The following ROBO1 variants were observed in gnomAD, a reference collection of about 807,000 sequenced individuals.
ROBO1 encodes the protein roundabout guidance receptor 1, also known as roundabout homolog 1.
Under a neutral mutation model 195.9 loss-of-function variants are expected in ROBO1, and 149 were observed. The ratio of observed to expected loss-of-function variants is 0.76; its 90% confidence interval spans 0.67 to 0.87. ROBO1 has a LOEUF of 0.87. ROBO1 is among the 40% of genes least tolerant of loss of function. ROBO1 has a pLI of 0.00. For missense variants in ROBO1, 1,933 were observed against 2,068.3 expected (o/e 0.93, Z 1.27); for synonymous variants, 816 against 733.2 (o/e 1.11, Z -1.82).
At chr3:79,613,414 G>C (rs531206035) in intron 1 of ROBO1, among the ~76,000 whole-genome samples, 4 of 151,948 alleles carry the variant, frequency 2.6e-5, no homozygotes, top group South Asian at 4.1e-4. Context: ...TAACTAACAA[G>C]CCAATAGTAG....
At chr3:78,599,096 G>A (rs1388931448) in intron 30 of ROBO1, among the ~76,000 whole-genome samples, 169 bp from the exon 31 acceptor site, 1 of 152,020 alleles carries the variant, frequency 6.6e-6, no homozygotes, top group African/African-American at 2.4e-5. Flanking sequence ...ACCTTAATTG[G>A]TCTTCACAGC....
chr3:79,000,746 T>C (rs781574503), intron 3 of ROBO1, among the ~76,000 whole-genome samples: 62 of 152,154 alleles, frequency 4.1e-4, no homozygotes, highest in Admixed American at 7.2e-4. Flanking sequence ...AGAAATACCA[T>C]TTGACCCAGC....
At chr3:79,179,170 G>A (rs1365800430) in intron 2 of ROBO1, among the ~76,000 whole-genome samples, 1 of 152,140 alleles carries the variant, frequency 6.6e-6, no homozygotes, top group East Asian at 1.9e-4. Flanking sequence ...CCTCTTAGAA[G>A]CAGGAATAGT....
At position 78,598,975 on chromosome 3, in the gene ROBO1, A is replaced by T. The variant is rs374759268; in HGVS notation, c.4942-48T>A. On this transcript the variant is annotated intron_variant, in intron 30 of 30. Transcript: ENST00000464233. ...ACATTTGAAAATAAATCTTAAGAGG[A>T]TTGTGTTATATTTATTTATATGCAT... 8.6e-6 allele frequency: 10 copies of T among 1,167,766 alleles called. No homozygotes were observed. The African/African-American group carries it at 1.4e-4, about 16-fold the overall frequency. 72.3% of individuals were successfully genotyped at this position (1,167,766 alleles called of 1,614,324 possible).
At chr3:78,843,001 C>T (rs538036105) in intron 4 of ROBO1, among the ~76,000 whole-genome samples, 4 of 152,056 alleles carry the variant, frequency 2.6e-5, no homozygotes, top group African/African-American at 9.7e-5. Context: ...ATTTAATTCA[C>T]ATATTGAATA....
chr3:78,774,595 A>G (rs1212267706), intron 4 of ROBO1, among the ~76,000 whole-genome samples: 1 of 139,112 alleles, frequency 7.2e-6, no homozygotes, highest in Non-Finnish European at 1.6e-5. Context: ...CAGGTGCTAA[A>G]ATGTTTTTAA....
chr3:79,471,766 T>C (rs1938287348), intron 2 of ROBO1, among the ~76,000 whole-genome samples: 2 of 152,076 alleles, frequency 1.3e-5, no homozygotes, highest in Non-Finnish European at 1.5e-5. Flanking sequence ...TAAAAAAGGA[T>C]GAGTTCATGT....
At chr3:79,751,206 C>T (rs1704115951) in intron 1 of ROBO1, among the ~76,000 whole-genome samples, 1 of 152,084 alleles carries the variant, frequency 6.6e-6, no homozygotes, top group African/African-American at 2.4e-5. Context: ...TCTCAATACA[C>T]AAGGATAAAC....
intron 1 of ROBO1, among the ~76,000 whole-genome samples, chr3:79,656,922 C>T (rs999318251): frequency 2.0e-5 from 3 of 151,666 alleles, no homozygotes; most frequent in Admixed American, 6.6e-5. Context: ...TGCTCTTGGC[C>T]GTAGATATAA....
rs377016645 is a variant in ROBO1 at position 79,305,199 on chromosome 3, CAA to C, written c.89-179662_89-179661del. ...ATCCTTCCTCTATGTTTAAAAATTA[CAA>C]AAGTGGCTGGAGTGGTAGCTCACGC... On this transcript the variant is annotated intron_variant, in intron 2 of 30. Transcript: ENST00000464233. Among the ~76,000 whole-genome samples, 4 of 152,056 alleles carry C rather than the reference CAA, an allele frequency of 2.6e-5. No individual in the cohort carries two copies. In the East Asian group the frequency reaches 7.7e-4, roughly 29 times the overall value.
chr3:79,660,374 A>G (rs1325850997), intron 1 of ROBO1, among the ~76,000 whole-genome samples: 3 of 152,112 alleles, frequency 2.0e-5, no homozygotes, highest in Non-Finnish European at 2.9e-5. Context: ...ATACAAGGCT[A>G]TGTTTCCAGA....
chr3:79,676,058 T>C (rs1946775259), intron 1 of ROBO1, among the ~76,000 whole-genome samples: 1 of 152,012 alleles, frequency 6.6e-6, no homozygotes. Context: ...ATTTTGTTGT[T>C]GTTGATGGTG....
chr3:79,450,308 G>GT (rs1321615608), intron 2 of ROBO1, among the ~76,000 whole-genome samples: 1 of 139,794 alleles, frequency 7.2e-6, no homozygotes, highest in Non-Finnish European at 1.5e-5. Context: ...AGAACTAAAT[G>GT]GCAGAGACAG....
chr3:79,675,914 G>A (rs1381447082), intron 1 of ROBO1, among the ~76,000 whole-genome samples: 7 of 151,944 alleles, frequency 4.6e-5, no homozygotes, highest in Non-Finnish European at 8.8e-5. Flanking sequence ...TTTTCTCTTC[G>A]TCATACATCT....
chr3:78,889,328 T>C (rs1173187904), intron 4 of ROBO1, among the ~76,000 whole-genome samples: 2 of 152,196 alleles, frequency 1.3e-5, no homozygotes, highest in Non-Finnish European at 2.9e-5. Flanking sequence ...CCCTAGAGGC[T>C]ACAAACATTC....
chr3:78,795,510 C>T (rs1200843041), intron 4 of ROBO1, among the ~76,000 whole-genome samples: 2 of 152,236 alleles, frequency 1.3e-5, no homozygotes, highest in East Asian at 3.9e-4. Flanking sequence ...CAAAGAACAG[C>T]ATCCTATGGG....
At chr3:78,804,732 CAAAAAAA>C (rs10576248) in intron 4 of ROBO1, among the ~76,000 whole-genome samples, 7 of 93,178 alleles carry the variant, frequency 7.5e-5, no homozygotes, top group East Asian at 3.1e-4. Context: ...GGAGCAAAGG[CAAAAAAA>C]AAAAAAAAAA....
rs563407945 is a variant in ROBO1 at position 79,732,221 on chromosome 3, GCTA to G, written c.-51+35528_-51+35530del. 9.2e-3 allele frequency among the ~76,000 whole-genome samples: 1,391 copies of G among 151,704 alleles called. 6 individuals are homozygous for G. The highest frequency in any genetic ancestry group is 0.016 in the Non-Finnish European group (1,056 of 67,926). ...AAATATAGTGGTATAATCTTATGGGGCTACTATCATATATGAAGTCAAGTGTTG... is the reference window on the plus strand; with the variant it reads ...AAATATAGTGGTATAATCTTATGGGGCTATCATATATGAAGTCAAGTGTTG... On this transcript the variant is annotated intron_variant, in intron 1 of 30. Transcript: ENST00000464233.
intron 2 of ROBO1, among the ~76,000 whole-genome samples, chr3:79,250,192 CA>C (rs1208877432): frequency 6.6e-6 from 1 of 152,110 alleles, no homozygotes; most frequent in African/African-American, 2.4e-5. Flanking sequence ...TTTGAATGCA[CA>C]CATGCACTAT....
Sources: allele counts gnomAD v4.1 joint callset (sites outside exome capture counted in the v4.1 genomes callset), GRCh38; gene constraint gnomAD v4.1.1; transcripts MANE v1.5; gene names NCBI Gene and HGNC (gene_info 2026-07-23, HGNC 2026-07-21).